RBFOX1: variants seen among roughly 807,000 people sequenced by gnomAD.
RBFOX1 encodes the protein RNA binding fox-1 homolog 1.
In RBFOX1, 8 loss-of-function variants were observed where a neutral mutation model predicts 57.7. That is an observed-to-expected ratio of 0.14 (90% CI 0.08 to 0.25). RBFOX1 has a LOEUF of 0.25. RBFOX1 is among the 10% of genes least tolerant of loss of function. The pLI, the probability that RBFOX1 is intolerant of heterozygous loss-of-function variation, is 1.00. For synonymous variants in RBFOX1, 326 were observed against 222.4 expected (o/e 1.47, Z -4.15); for missense variants, 611 against 548.5 (o/e 1.11, Z -1.14).
chr16:7,527,250 C>G (rs910881697), intron 5 of RBFOX1, among the ~76,000 whole-genome samples: 2 of 152,116 alleles, frequency 1.3e-5, no homozygotes, highest in Non-Finnish European at 2.9e-5. Flanking sequence ...CTTCTCACTC[C>G]CATGTATTCT....
chr16:7,566,727 C>G (rs1404415676), intron 5 of RBFOX1, among the ~76,000 whole-genome samples: 2 of 152,146 alleles, frequency 1.3e-5, no homozygotes, highest in African/African-American at 4.8e-5. Context: ...TGGCATTCAG[C>G]ATCAGTGATA....
intron 3 of RBFOX1, among the ~76,000 whole-genome samples, chr16:6,664,896 A>G (rs182436230): frequency 1.3e-5 from 2 of 152,292 alleles, no homozygotes; most frequent in Admixed American, 6.5e-5. Flanking sequence ...GAAAAGTCAC[A>G]TTCCTGTCTG....
chr16:5,424,499 G>T (rs1597002684), intron 1 of RBFOX1, among the ~76,000 whole-genome samples: 1 of 151,592 alleles, frequency 6.6e-6, no homozygotes, highest in South Asian at 2.1e-4. Flanking sequence ...CAGCACTTAC[G>T]AGGATTCTAA....
chr16:6,316,250 G>A (rs901514023), intron 1 of RBFOX1, among the ~76,000 whole-genome samples: 1 of 152,090 alleles, frequency 6.6e-6, no homozygotes, highest in African/African-American at 2.4e-5. Flanking sequence ...GGTAGGAGAT[G>A]ACCTCTCTTT....
At chr16:5,784,720 G>A (rs900584735) in intron 3 of RBFOX1, among the ~76,000 whole-genome samples, 4 of 152,140 alleles carry the variant, frequency 2.6e-5, no homozygotes, top group African/African-American at 9.7e-5. Context: ...ATTAAATCAT[G>A]AGCATGGTGT....
chr16:6,105,836 A>G (rs1395730403), intron 1 of RBFOX1, among the ~76,000 whole-genome samples: 1 of 152,078 alleles, frequency 6.6e-6, no homozygotes, highest in Non-Finnish European at 1.5e-5. Context: ...TATATGTTCC[A>G]TACCCTGCTA....
chr16:7,286,398 C>G (rs2095651353), intron 4 of RBFOX1, among the ~76,000 whole-genome samples: 1 of 151,160 alleles, frequency 6.6e-6, no homozygotes, highest in South Asian at 2.1e-4. Context: ...TGTGAAAATG[C>G]TCAAAAGTGT....
At chr16:7,189,389 G>A (rs1426075043) in intron 4 of RBFOX1, among the ~76,000 whole-genome samples, 2 of 132,482 alleles carry the variant, frequency 1.5e-5, no homozygotes, top group African/African-American at 2.8e-5. Flanking sequence ...TCGCGCCACT[G>A]CACTCCAGCC....
chr16:6,705,045 C>T (rs1176734536), intron 3 of RBFOX1: 2 of 151,632 alleles, frequency 1.3e-5, no homozygotes, highest in African/African-American at 2.4e-5. Flanking sequence ...TTTTTAATGC[C>T]CCAACCAGAT....
At chr16:6,411,833 C>A (rs534821036) in intron 2 of RBFOX1, among the ~76,000 whole-genome samples, 1 of 152,136 alleles carries the variant, frequency 6.6e-6, no homozygotes, top group Non-Finnish European at 1.5e-5. Flanking sequence ...CTCAATAAAA[C>A]AATCAAAACA....
intron 3 of RBFOX1, among the ~76,000 whole-genome samples, chr16:6,670,944 G>A (rs1481422377): frequency 1.3e-5 from 2 of 152,160 alleles, no homozygotes; most frequent in East Asian, 1.9e-4. Flanking sequence ...AGCTTGCAGC[G>A]AGCCGAGATC....
intron 3 of RBFOX1, among the ~76,000 whole-genome samples, chr16:6,657,444 T>C (rs772078660): frequency 6.6e-6 from 1 of 151,950 alleles, no homozygotes; most frequent in Non-Finnish European, 1.5e-5. Context: ...AACAGCTCCA[T>C]CCCCCTCCCT....
chr16:6,312,430 C>T (rs765676796), intron 1 of RBFOX1, among the ~76,000 whole-genome samples: 14 of 152,052 alleles, frequency 9.2e-5, no homozygotes, highest in Admixed American at 1.3e-4. Flanking sequence ...CAGTTACTGA[C>T]GACACTTAAG....
intron 1 of RBFOX1, among the ~76,000 whole-genome samples, chr16:6,193,156 A>C (rs1048274265): frequency 2.0e-5 from 3 of 151,626 alleles, no homozygotes; most frequent in Non-Finnish European, 4.4e-5. Flanking sequence ...CAATGTGTTC[A>C]TCCTATGTCC....
chr16:6,619,064 C>T (rs1359941224), intron 2 of RBFOX1, among the ~76,000 whole-genome samples: 4 of 152,202 alleles, frequency 2.6e-5, no homozygotes, highest in Admixed American at 6.5e-5. Flanking sequence ...GGTGATGCCA[C>T]GCTGCAGAGG....
chr16:5,658,347 A>G (rs1004897228), intron 3 of RBFOX1, among the ~76,000 whole-genome samples: 1 of 152,150 alleles, frequency 6.6e-6, no homozygotes, highest in Non-Finnish European at 1.5e-5. Flanking sequence ...AGCTGAAACA[A>G]GCTGAGGGGA....
intron 1 of RBFOX1, among the ~76,000 whole-genome samples, chr16:5,347,746 C>A (rs1279890792): frequency 6.7e-6 from 1 of 149,744 alleles, no homozygotes; most frequent in Non-Finnish European, 1.5e-5. Flanking sequence ...CCCTGCCCAC[C>A]CGTCAACCCA....
intron 4 of RBFOX1, among the ~76,000 whole-genome samples, chr16:5,921,422 G>A (rs755361241): frequency 6.6e-6 from 1 of 152,136 alleles, no homozygotes; most frequent in Non-Finnish European, 1.5e-5. Flanking sequence ...TGGGATGTGT[G>A]GGGGGAGTAG....
At chr16:5,692,238 C>T (rs1208873429) in intron 3 of RBFOX1, among the ~76,000 whole-genome samples, 1 of 151,238 alleles carries the variant, frequency 6.6e-6, no homozygotes, top group East Asian at 1.9e-4. Context: ...CTAGCAGATG[C>T]ACAGAAGCTC....
Sources: allele counts gnomAD v4.1 joint callset (sites outside exome capture counted in the v4.1 genomes callset), GRCh38; gene constraint gnomAD v4.1.1; transcripts MANE v1.5; gene names NCBI Gene and HGNC (gene_info 2026-07-23, HGNC 2026-07-21).